Variants in FOXK1 observed in about 807,000 individuals in gnomAD.
The protein encoded by FOXK1 is forkhead box K1.
Under a neutral mutation model 51.9 loss-of-function variants are expected in FOXK1, and 19 were observed. That is an observed-to-expected ratio of 0.37 (90% CI 0.26 to 0.54). The LOEUF (loss-of-function observed/expected upper bound fraction) is 0.54. FOXK1 is among the 20% of genes least tolerant of loss of function. FOXK1 has a pLI of 0.87. For synonymous variants in FOXK1, 537 were observed against 482.6 expected, an observed-to-expected ratio of 1.11 and a Z score of -1.48; for missense variants, 870 against 1,032.7, an observed-to-expected ratio of 0.84 and a Z score of 2.16.
chr7:4,695,996 A>G (rs1437568442), intron 1 of FOXK1, among the ~76,000 whole-genome samples: 1 of 151,858 alleles, frequency 6.6e-6, no homozygotes, highest in African/African-American at 2.4e-5. Context: ...TGCACCTGCA[A>G]TCCCAACTAC....
chr7:4,708,502 C>A (rs902738303), intron 1 of FOXK1, among the ~76,000 whole-genome samples: 10 of 152,142 alleles, frequency 6.6e-5, no homozygotes, highest in African/African-American at 2.4e-4. Flanking sequence ...AGTCTCTCTC[C>A]AGGGTTAGGG....
chr7:4,728,860 A>G (rs1376041013), intron 1 of FOXK1, among the ~76,000 whole-genome samples: 3 of 152,132 alleles, frequency 2.0e-5, no homozygotes, highest in African/African-American at 4.8e-5. Flanking sequence ...GTCTTAGAGG[A>G]CGCAAAGTCT....
intron 1 of FOXK1, among the ~76,000 whole-genome samples, chr7:4,691,835 C>T (rs1043101046): frequency 3.3e-5 from 5 of 152,180 alleles, no homozygotes; most frequent in African/African-American, 4.8e-5. Flanking sequence ...AGCAGAGACC[C>T]TGTTATTATG....
chr7:4,755,022 T>G lies in FOXK1; in HGVS notation c.904-215T>G. 3 of 597,030 alleles carry G rather than the reference T, an allele frequency of 5.0e-6. No homozygotes were observed. The highest frequency in any genetic ancestry group is 8.7e-6 in the Non-Finnish European group (3 of 344,354). The allele number at this position is 597,030 out of a possible 1,614,324, so 37.0% of individuals were successfully genotyped here. The stretch of plus-strand genomic sequence containing the variant: ...GGTGAGAAATTTCAGAATTAAATTA[T>G]AATAAAACCGAAGTTTTCCTTCCCA... On this transcript the variant is annotated intron_variant, in intron 3 of 8. Transcript: ENST00000328914. This position sits in a 1 kb window ranked among gnomAD's most constrained non-coding sequence, Gnocchi z 6.6.
In FOXK1 at chr7:4,735,445, G is replaced by A. The variant is rs1324807653; in HGVS notation, c.561-5393G>A. On this transcript the variant is annotated intron_variant, in intron 1 of 8. Transcript: ENST00000328914. The surrounding 1 kb of genome is among the most constrained non-coding windows in gnomAD (Gnocchi z 4.7). The stretch of plus-strand genomic sequence containing the variant: ...ATTCGCAGAGTTGCGCGGCCACCAA[G>A]TCAACTTCGGAACATTTTCCTGACT... Among the ~76,000 whole-genome samples, 5 of 152,176 alleles carry A rather than the reference G, an allele frequency of 3.3e-5. No individual in the cohort carries two copies. Among genetic ancestry groups the A allele is most frequent in the Non-Finnish European group, 5.9e-5 (4 of 68,044 alleles).
At chr7:4,752,996 GT>G (rs1284248036) in intron 2 of FOXK1, among the ~76,000 whole-genome samples, 4 of 152,202 alleles carry the variant, frequency 2.6e-5, no homozygotes, top group African/African-American at 9.7e-5. Flanking sequence ...CCTTTTGACT[GT>G]TTCCTACCTC....
intron 2 of FOXK1, among the ~76,000 whole-genome samples, chr7:4,744,033 C>G (rs561226787): frequency 1.3e-5 from 2 of 152,164 alleles, no homozygotes; most frequent in East Asian, 3.9e-4. Flanking sequence ...CATGCCACCA[C>G]GCCCGGCTAA....
intron 1 of FOXK1, among the ~76,000 whole-genome samples, chr7:4,688,969 C>T (rs547077655): frequency 2.6e-5 from 4 of 150,958 alleles, no homozygotes; most frequent in Non-Finnish European, 5.9e-5. Flanking sequence ...TTAATTTGTT[C>T]TCACCTGCAC....
intron 1 of FOXK1, among the ~76,000 whole-genome samples, chr7:4,704,639 C>T (rs1362665103): frequency 1.3e-5 from 2 of 151,972 alleles, no homozygotes; most frequent in East Asian, 1.9e-4. Flanking sequence ...GAGGGATTGC[C>T]CTGTGTGCTA....
chr7:4,742,040 C>T (rs1217626256), intron 2 of FOXK1, among the ~76,000 whole-genome samples: 2 of 152,284 alleles, frequency 1.3e-5, no homozygotes, highest in African/African-American at 4.8e-5. Context: ...TCTCTCCCAA[C>T]CGCACGTCTG....
Position 4,723,428 on chromosome 7 carries a change from T to G in FOXK1, c.561-17410T>G, listed in dbSNP as rs1166887266. ...ACGTTCCCAGCTGACTAAATTTGCC[T>G]TCTTCCTTCAGGGACCATCTTGGAA... is the stretch of plus-strand genomic sequence containing the variant. On this transcript the variant is annotated intron_variant, in intron 1 of 8. Coordinates refer to ENST00000328914, the MANE Select transcript of FOXK1 (RefSeq NM_001037165.2). The surrounding 1 kb of genome is among the most constrained non-coding windows in gnomAD (Gnocchi z 4.7). Among the ~76,000 whole-genome samples, 1 of 152,086 alleles carries G rather than the reference T, an allele frequency of 6.6e-6. No homozygotes were observed. Among genetic ancestry groups the G allele is most frequent in the Non-Finnish European group, 1.5e-5 (1 of 67,994 alleles).
chr7:4,755,226 T>G lies in FOXK1; in HGVS notation c.904-11T>G, dbSNP rs1247069406. On this transcript the variant is annotated splice_polypyrimidine_tract_variant and intron_variant, in intron 3 of 8. Transcript: ENST00000328914. This position sits in a 1 kb window ranked among gnomAD's most constrained non-coding sequence, Gnocchi z 6.6. ...GCTGGAGCTCATCCCGTGAGCCGTG[T>G]TTCTCCGCAGGATGAGTCAAAGCCG... The G allele has an allele frequency of 6.2e-7, 1 of 1,613,018 alleles. No individual in the cohort carries two copies. The highest frequency in any genetic ancestry group is 8.5e-7 in the Non-Finnish European group (1 of 1,179,620).
Position 4,682,943 on chromosome 7 carries a change from G to T in FOXK1, c.560+75G>T. On this transcript the variant is annotated intron_variant, in intron 1 of 8. Transcript: ENST00000328914. The surrounding 1 kb of genome is among the most constrained non-coding windows in gnomAD (Gnocchi z 7.6). ...CCTCGATCTCTGAGGCCCGGGCCTGGGGATCCCCCTCCAGCTTCCTCGGCC... is the reference window on the plus strand; with the variant it reads ...CCTCGATCTCTGAGGCCCGGGCCTGTGGATCCCCCTCCAGCTTCCTCGGCC... 1 of 1,349,934 alleles carries T rather than the reference G, an allele frequency of 7.4e-7. No individual in the cohort carries two copies. Among genetic ancestry groups the T allele is most frequent in the Non-Finnish European group, 9.7e-7 (1 of 1,033,632 alleles). The allele number at this position is 1,349,934 out of a possible 1,614,324, so 83.6% of individuals were successfully genotyped here.
chr7:4,714,482 C>G (rs1780210555), intron 1 of FOXK1, among the ~76,000 whole-genome samples: 1 of 152,130 alleles, frequency 6.6e-6, no homozygotes, highest in Admixed American at 6.6e-5. Flanking sequence ...GCCACATTGC[C>G]CAAGCTGGTC....
At chr7:4,697,104 G>A (rs1423948091) in intron 1 of FOXK1, among the ~76,000 whole-genome samples, 1 of 152,138 alleles carries the variant, frequency 6.6e-6, no homozygotes, top group East Asian at 1.9e-4. Context: ...CCCTTAAGGT[G>A]TGATTCAGGG....
At chr7:4,757,405 A>G (rs2115073297) in intron 5 of FOXK1, among the ~76,000 whole-genome samples, 1 of 152,184 alleles carries the variant, frequency 6.6e-6, no homozygotes, top group Admixed American at 6.5e-5. Context: ...AGGCAAGTGG[A>G]TCACCTGAGG....
At position 4,756,755 on chromosome 7, in the gene FOXK1, A is replaced by G. The variant is rs1780858480; in HGVS notation, c.1051-239A>G. Among the ~76,000 whole-genome samples, 1 of 149,852 alleles carries G rather than the reference A, an allele frequency of 6.7e-6. No homozygotes were observed. The highest frequency in any genetic ancestry group is 2.1e-4 in the South Asian group (1 of 4,728). On this transcript the variant is annotated intron_variant, in intron 4 of 8. Coordinates refer to ENST00000328914, the MANE Select transcript of FOXK1 (RefSeq NM_001037165.2). This position sits in a 1 kb window ranked among gnomAD's most constrained non-coding sequence, Gnocchi z 4.1. ...ACTCCATCCTGGGCGACAGAATGAG[A>G]CTCCGTCAAAAAAAAAAAAAAGGTA...
intron 3 of FOXK1, 21 bp downstream of exon 3, chr7:4,754,636 G>C: frequency 1.3e-6 from 2 of 1,596,584 alleles, no homozygotes; most frequent in Non-Finnish European, 1.7e-6. Flanking sequence ...ACCTGGCGCC[G>C]TGGTGCACCT....
chr7:4,748,479 C>G lies in FOXK1; in HGVS notation c.747-5980C>G, dbSNP rs181704173. 1.9e-3 allele frequency among the ~76,000 whole-genome samples: 286 copies of G among 152,312 alleles called. 1 individual carries two copies. Among genetic ancestry groups the G allele is most frequent in the African/African-American group, 6.6e-3 (275 of 41,566 alleles). ...TGGCTTATTTCCGCCACACTCCCCC[C>G]GCTCTTGGGGTTAATAATGGCCTCT... On this transcript the variant is annotated intron_variant, in intron 2 of 8. Transcript: ENST00000328914. The surrounding 1 kb of genome is among the most constrained non-coding windows in gnomAD (Gnocchi z 4.9).
Sources: gnomAD v4.1 joint callset for allele counts (sites outside exome capture counted in the v4.1 genomes callset) on GRCh38, gnomAD v4.1.1 for gene constraint, Gnocchi (gnomAD v3.1) non-coding constraint, MANE v1.5 for transcripts, NCBI Gene and HGNC (gene_info 2026-07-23, HGNC 2026-07-21) for gene names.